NEK6: variants seen among roughly 807,000 people sequenced by gnomAD.
NEK6 encodes the protein NIMA related kinase 6, also known as serine/threonine-protein kinase Nek6.
A neutral mutation model predicts 43.5 loss-of-function variants in NEK6; 27 were observed. The observed-to-expected ratio is 0.62, with a 90% CI of 0.46 to 0.86. The LOEUF (loss-of-function observed/expected upper bound fraction) is 0.86, where lower values mean the gene tolerates loss of function less well. Among genes scored for constraint, NEK6 ranks in the 40% least tolerant of loss-of-function variants. NEK6 has a pLI of 0.00. For missense variants in NEK6, 318 were observed against 414.4 expected, an observed-to-expected ratio of 0.77 and a Z score of 2.02; for synonymous variants, 167 against 164.1, an observed-to-expected ratio of 1.02 and a Z score of -0.14.
At chr9:124,293,240 C>T (rs1302875653) in intron 1 of NEK6, among the ~76,000 whole-genome samples, 1 of 152,242 alleles carries the variant, frequency 6.6e-6, no homozygotes, top group African/African-American at 2.4e-5. Context: ...AGTCATTTAA[C>T]TTCTCTGCAC....
At chr9:124,342,852 C>T (rs1260058217) in intron 8 of NEK6, among the ~76,000 whole-genome samples, 1 of 137,914 alleles carries the variant, frequency 7.3e-6, no homozygotes, top group African/African-American at 2.5e-5. Flanking sequence ...AACACACACA[C>T]AGGCTGGCCA....
At chr9:124,311,772 C>T (rs1180935420) in intron 2 of NEK6, among the ~76,000 whole-genome samples, 1 of 152,232 alleles carries the variant, frequency 6.6e-6, no homozygotes, top group Non-Finnish European at 1.5e-5. Context: ...TCACTGCAAC[C>T]TCTGCCTCCT....
chr9:124,278,515 C>T (rs1349588585), intron 1 of NEK6, among the ~76,000 whole-genome samples: 1 of 152,164 alleles, frequency 6.6e-6, no homozygotes, highest in East Asian at 1.9e-4. Context: ...CCCTCACCCC[C>T]TCGCAGACCC....
intron 8 of NEK6, among the ~76,000 whole-genome samples, chr9:124,344,002 G>A (rs1057478455): frequency 4.6e-5 from 7 of 152,200 alleles, no homozygotes; most frequent in Admixed American, 2.0e-4. Context: ...AGGTGTCAGC[G>A]GGCAGGTGCC....
rs566364033 is a variant in NEK6 at position 124,345,294 on chromosome 9, G to A, written c.718-2415G>A. Among the ~76,000 whole-genome samples the A allele has an allele frequency of 1.2e-4, 18 of 152,306 alleles. No homozygotes were observed. In the South Asian group the frequency reaches 2.3e-3, roughly 19 times the overall value. ...CCGTCCAGGGTAATCGTTGTAATCC[G>A]CGCAGCCCAGAGCTTTCTTCACAGC... On this transcript the variant is annotated intron_variant, in intron 8 of 9. Transcript: ENST00000320246.
chr9:124,303,794 C>T (rs578122547), intron 2 of NEK6, among the ~76,000 whole-genome samples: 2 of 152,296 alleles, frequency 1.3e-5, no homozygotes, highest in South Asian at 2.1e-4. Context: ...AGGGCCTCCT[C>T]GGGTAATGTA....
chr9:124,288,618 C>T (rs936834759), intron 1 of NEK6, among the ~76,000 whole-genome samples: 4 of 152,138 alleles, frequency 2.6e-5, no homozygotes, highest in African/African-American at 7.2e-5. Context: ...TCTGCATACC[C>T]GGGCCCTGAT....
intron 9 of NEK6, 65 bp from the exon 10 acceptor site, chr9:124,350,772 T>G (rs867380011): frequency 8.9e-7 from 1 of 1,120,744 alleles, no homozygotes; most frequent in Middle Eastern, 2.0e-4. Flanking sequence ...GCAGACAGAC[T>G]GTGGAGTGCG....
chr9:124,350,877 A>G lies in NEK6; in HGVS notation c.872A>G (p.His291Arg). 6.2e-7 allele frequency: 1 copy of G among 1,612,812 alleles called. No individual in the cohort carries two copies. Among genetic ancestry groups the G allele is most frequent in the Non-Finnish European group, 8.5e-7 (1 of 1,179,962 alleles). The change falls in exon 10 of 10, where the codon CAC becomes CGC. Residue 291 changes from histidine to arginine, a missense_variant. His to Arg is a conservative substitution (Grantham distance 29, BLOSUM62 0). Transcript: ENST00000320246. Reference protein sequence around the residue: ...LVSMCICPDPHQRPDIGYVHQ... With the variant: ...LVSMCICPDPRQRPDIGYVHQ... ...AGCATGTGCATCTGCCCTGACCCCC[A>G]CCAGAGACCTGACATCGGATACGTG...
chr9:124,326,202 T>TCCACCCCCC lies in NEK6; in HGVS notation c.406-126_406-125insACCCCCCCC. 8.1e-6 allele frequency: 1 copy of TCCACCCCCC among 124,052 alleles called. No individual in the cohort carries two copies. The highest frequency in any genetic ancestry group is 6.5e-5 in the South Asian group (1 of 15,360). The allele number at this position is 124,052 out of a possible 1,614,324, so 7.7% of individuals were successfully genotyped here. A position where few individuals can be genotyped will look rare whatever the true frequency, so the allele number is the denominator to read the frequency against. On this transcript the variant is annotated intron_variant, in intron 5 of 9. Transcript: ENST00000320246. This position sits in a 1 kb window ranked among gnomAD's most constrained non-coding sequence, Gnocchi z 4.5. The stretch of plus-strand genomic sequence containing the variant: ...GCTTATTGTTTGCTCAGTGGCTCAA[T>TCCACCCCCC]CCCCCCCCCCCGCCCCTGCCAGGCA...
intron 1 of NEK6, chr9:124,292,885 A>G (rs2119064661): frequency 1.4e-6 from 2 of 1,473,782 alleles, no homozygotes; most frequent in South Asian, 1.4e-5. Flanking sequence ...AGCACGGGGG[A>G]GCAGGCTGTG....
chr9:124,310,318 GAC>G (rs1833466827), intron 2 of NEK6, among the ~76,000 whole-genome samples: 1 of 152,272 alleles, frequency 6.6e-6, no homozygotes, highest in Non-Finnish European at 1.5e-5. Flanking sequence ...GCATGCAGTA[GAC>G]ACTCAGGATG....
At chr9:124,350,798 T>A (rs1299657834) in intron 9 of NEK6, 39 bp from the exon 10 acceptor site, 2 of 1,477,828 alleles carry the variant, frequency 1.4e-6, no homozygotes, top group Admixed American at 3.4e-5. Context: ...TCAGTAAGAC[T>A]GCTTTCTTGA....
At chr9:124,263,773 G>A (rs1356431403) in intron 1 of NEK6, among the ~76,000 whole-genome samples, 3 of 152,224 alleles carry the variant, frequency 2.0e-5, no homozygotes, top group African/African-American at 7.2e-5. Context: ...GAAGGAGACA[G>A]CGCAGTTTGC....
intron 4 of NEK6, among the ~76,000 whole-genome samples, chr9:124,319,588 TC>T (rs1190295598): frequency 6.6e-6 from 1 of 152,218 alleles, no homozygotes; most frequent in Non-Finnish European, 1.5e-5. Flanking sequence ...TAGTTTGAGG[TC>T]TTACATTTAA....
chr9:124,307,388 G>A (rs538118058), intron 2 of NEK6, among the ~76,000 whole-genome samples: 12 of 152,124 alleles, frequency 7.9e-5, no homozygotes, highest in South Asian at 4.1e-4. Flanking sequence ...TTGGGATGGC[G>A]GTGGCTCGGG....
chr9:124,279,555 G>A (rs763868767), intron 1 of NEK6, among the ~76,000 whole-genome samples: 5 of 152,062 alleles, frequency 3.3e-5, no homozygotes, highest in Admixed American at 1.3e-4. Context: ...TGCCTGCCTC[G>A]GCCTCCCAAA....
intron 6 of NEK6, 131 bp from the exon 7 acceptor site, chr9:124,327,207 G>A: frequency 1.4e-6 from 1 of 720,700 alleles, no homozygotes; most frequent in Non-Finnish European, 2.4e-6. Context: ...CACAGCCAGA[G>A]CCAGGACAGG....
intron 1 of NEK6, among the ~76,000 whole-genome samples, chr9:124,270,317 G>A (rs551829461): frequency 3.9e-5 from 6 of 152,174 alleles, no homozygotes; most frequent in Non-Finnish European, 8.8e-5. Context: ...CAGGGCGGGG[G>A]CTGAGTGTCC....
Sources: allele counts gnomAD v4.1 joint callset (sites outside exome capture counted in the v4.1 genomes callset), GRCh38; gene constraint gnomAD v4.1.1; non-coding constraint Gnocchi (gnomAD v3.1); transcripts MANE v1.5; gene names NCBI Gene and HGNC (gene_info 2026-07-23, HGNC 2026-07-21).